Variants in PLIN1 observed in about 807,000 individuals in gnomAD.
PLIN1 encodes perilipin-1.
Under a neutral mutation model 45.8 loss-of-function variants are expected in PLIN1, and 37 were observed. That is an observed-to-expected ratio of 0.81 (90% CI 0.62 to 1.06). The LOEUF is 1.06. Among genes scored for constraint, PLIN1 ranks in the 50% least tolerant of loss-of-function variants. The probability of loss-of-function intolerance (pLI) is 0.00; values close to 1 mark genes in which losing one functional copy is unlikely to be tolerated. For synonymous variants in PLIN1, 340 were observed against 309.2 expected, an observed-to-expected ratio of 1.10 and a Z score of -1.05; for missense variants, 776 against 716.5, an observed-to-expected ratio of 1.08 and a Z score of -0.95.
chr15:89,677,141 T>C (rs1964531101), intron 2 of PLIN1: 3 of 463,072 alleles, frequency 6.5e-6, no homozygotes, highest in Non-Finnish European at 1.2e-5. Flanking sequence ...GAGCATGGGC[T>C]TCTGCGTCAG....
intron 6 of PLIN1, among the ~76,000 whole-genome samples, chr15:89,668,435 A>C (rs2141528667): frequency 6.6e-6 from 1 of 152,306 alleles, no homozygotes; most frequent in South Asian, 2.1e-4. Context: ...TATACACTTA[A>C]GAGTGGAACT....
intron 2 of PLIN1, among the ~76,000 whole-genome samples, chr15:89,675,435 A>C (rs8179062): frequency 1.1e-3 from 171 of 150,948 alleles, no homozygotes; most frequent in Admixed American, 0.011. Context: ...AAAAAAAAAA[A>C]AAAAAAAAAA....
intron 1 of PLIN1, chr15:89,677,713 T>A: frequency 1.7e-6 from 1 of 601,220 alleles, no homozygotes; most frequent in Non-Finnish European, 3.0e-6. Context: ...ATAGCTTACT[T>A]GTCAAGACTG....
chr15:89,667,199 G>T lies in PLIN1; in HGVS notation c.964-18C>A. The T allele has an allele frequency of 1.2e-6, 2 of 1,612,320 alleles. No individual in the cohort carries two copies. Among genetic ancestry groups the T allele is most frequent in the Non-Finnish European group, 1.7e-6 (2 of 1,179,950 alleles). On this transcript the variant is annotated intron_variant, in intron 7 of 8. Transcript: ENST00000300055. The stretch of plus-strand genomic sequence containing the variant: ...GCTGCTACCTGGGGGCCAAAGCAGG[G>T]TCAGTGCCTCCTGTGGTAACTCCCC...
At position 89,671,513 on chromosome 15, in the gene PLIN1, T is replaced by C; in HGVS notation, c.302A>G (p.Lys101Arg). Residue 101 changes from lysine (K) to arginine (R), a missense_variant, in exon 4 of 9, where the codon AAG becomes AGG. Coordinates refer to ENST00000300055, the MANE Select transcript of PLIN1 (RefSeq NM_002666.5). ...ACRGLDHLEE[K>R]IPALQYPPEK... Reference sequence around the variant, plus strand: ...AGGGGGGTACTGGAGGGCGGGGATCTTTTCCTCCAGGTGGTCCAAGCCTCG... The same window carrying C: ...AGGGGGGTACTGGAGGGCGGGGATCCTTTCCTCCAGGTGGTCCAAGCCTCG... 6.3e-7 allele frequency: 1 copy of C among 1,575,214 alleles called. No individual in the cohort carries two copies. Among genetic ancestry groups the C allele is most frequent in the Non-Finnish European group, 8.6e-7 (1 of 1,159,662 alleles).
At chr15:89,676,421 G>C (rs967190988) in intron 2 of PLIN1, among the ~76,000 whole-genome samples, 6 of 152,064 alleles carry the variant, frequency 3.9e-5, no homozygotes, top group Non-Finnish European at 8.8e-5. Flanking sequence ...CTGATTTTTT[G>C]TATTTTTAGT....
intron 1 of PLIN1, 145 bp from the exon 2 acceptor site, chr15:89,677,648 G>A: frequency 1.3e-6 from 1 of 757,776 alleles, no homozygotes; most frequent in African/African-American, 1.7e-5. Flanking sequence ...GTTGGAGGGT[G>A]AATATCACAC....
In PLIN1 at chr15:89,665,509, G is replaced by T; in HGVS notation, c.*74C>A. 1 of 1,447,662 alleles carries T rather than the reference G, an allele frequency of 6.9e-7. No individual in the cohort carries two copies. The highest frequency in any genetic ancestry group is 9.3e-7 in the Non-Finnish European group (1 of 1,080,532). The allele number at this position is 1,447,662 out of a possible 1,614,324, so 89.7% of individuals were successfully genotyped here. On this transcript the variant is annotated 3_prime_UTR_variant, in exon 9 of 9. Coordinates refer to ENST00000300055, the MANE Select transcript of PLIN1 (RefSeq NM_002666.5). The stretch of plus-strand genomic sequence containing the variant: ...GACCACTTTGAAAGTGGCAACGCTC[G>T]CCTGGGCAGTGCGGGTTCTGTTTAT...
At chr15:89,677,207 C>G (rs1036680172) in intron 2 of PLIN1, 17 of 580,948 alleles carry the variant, frequency 2.9e-5, no homozygotes, top group Non-Finnish European at 2.2e-5. Flanking sequence ...GCCAGGATTT[C>G]TGTCCCTTTT....
At chr15:89,671,369 C>T (rs1242917909) in intron 4 of PLIN1, 113 bp downstream of exon 4, 2 of 774,860 alleles carry the variant, frequency 2.6e-6, no homozygotes, top group Non-Finnish European at 4.4e-6. Context: ...TTGGAGGGTG[C>T]TCACCATGGG....
Position 89,667,014 on chromosome 15 carries a change from C to G in PLIN1, c.1131G>C (p.Lys377Asn). 3 of 1,614,162 alleles carry G rather than the reference C, an allele frequency of 1.9e-6. No individual in the cohort carries two copies. The highest frequency in any genetic ancestry group is 2.5e-6 in the Non-Finnish European group (3 of 1,180,002). Residue 377 changes from lysine to asparagine, a missense_variant, in exon 8 of 9, where the codon AAG becomes AAC. Transcript: ENST00000300055. ...CATCTGATAGGGACATGGCCCTCCC[C>G]TTGGTTGAGGAGACAGCAGGGGCTG... ...LTPAPAVSST[K>N]GRAMSLSDAL...
chr15:89,671,352 G>A lies in PLIN1; in HGVS notation c.333+130C>T, dbSNP rs1190067266. On this transcript the variant is annotated intron_variant, in intron 4 of 8. Transcript: ENST00000300055. ...GTGGCCTTGGGAGCAGGCACTCTCC[G>A]CCAGCCTTGGAGGGTGCTCACCATG... The A allele has an allele frequency of 7.1e-5, 49 of 693,182 alleles. 1 individual carries two copies. The highest frequency in any genetic ancestry group is 1.1e-4 in the East Asian group (4 of 36,674). The allele number at this position is 693,182 out of a possible 1,614,324, so 42.9% of individuals were successfully genotyped here. A position where few individuals can be genotyped will look rare whatever the true frequency, so the allele number is the denominator to read the frequency against.
At chr15:89,669,390 A>G in intron 6 of PLIN1, 110 bp downstream of exon 6, 1 of 969,952 alleles carries the variant, frequency 1.0e-6, no homozygotes, top group Non-Finnish European at 1.6e-6. Flanking sequence ...ACGTTGGAAG[A>G]GAGAATGTTC....
chr15:89,669,913 TC>T (rs1964410735), intron 5 of PLIN1, 66 bp downstream of exon 5: 1 of 1,527,850 alleles, frequency 6.5e-7, no homozygotes, highest in South Asian at 1.2e-5. Context: ...TTGAGCCACC[TC>T]CTGCTGATTC....
At chr15:89,674,265 AT>A (rs1247629615) in intron 2 of PLIN1, among the ~76,000 whole-genome samples, 1 of 151,938 alleles carries the variant, frequency 6.6e-6, no homozygotes, top group Non-Finnish European at 1.5e-5. Context: ...TTTATTTATT[AT>A]TTTTTATAGA....
Position 89,664,867 on chromosome 15 carries a change from C to A in PLIN1, c.*716G>T, listed in dbSNP as rs1367447017. The stretch of plus-strand genomic sequence containing the variant: ...TCTATATATCATCACCATTTTGGTT[C>A]CCCAGCATCAAAAGAGTGACTATGC... On this transcript the variant is annotated 3_prime_UTR_variant, in exon 9 of 9. Coordinates refer to ENST00000300055, the MANE Select transcript of PLIN1 (RefSeq NM_002666.5). 2.2e-6 allele frequency: 1 copy of A among 456,002 alleles called. No individual in the cohort carries two copies. The highest frequency in any genetic ancestry group is 2.3e-5 in the Admixed American group (1 of 42,564). 28.2% of individuals were successfully genotyped at this position (456,002 alleles called of 1,614,324 possible).
intron 2 of PLIN1, chr15:89,677,136 T>C (rs925305474): frequency 8.8e-6 from 4 of 454,136 alleles, no homozygotes; most frequent in South Asian, 4.3e-5. Context: ...GGACAGAGCA[T>C]GGGCTTCTGC....
chr15:89,677,389 T>G, intron 2 of PLIN1, 56 bp downstream of exon 2: 2 of 1,400,200 alleles, frequency 1.4e-6, no homozygotes, highest in South Asian at 1.2e-5. Context: ...CCTCCCTGCT[T>G]CTTCCTCCTC....
Position 89,670,001 on chromosome 15 carries a change from G to C in PLIN1, c.577C>G (p.Pro193Ala). 6.2e-7 allele frequency: 1 copy of C among 1,612,622 alleles called. No homozygotes were observed. The highest frequency in any genetic ancestry group is 1.3e-5 in the African/African-American group (1 of 74,994). Residue 193 changes from proline (P) to alanine (A), a missense_variant, in exon 5 of 9, where the codon CCT (proline) becomes GCT (alanine). By Grantham distance (27) the Pro-to-Ala change is conservative (BLOSUM62 -1). Coordinates refer to ENST00000300055, the MANE Select transcript of PLIN1 (RefSeq NM_002666.5). ...SIEKVVEYLL[P>A]PDKEESAPAP... ...GTACCTGACTCTTCCTTGTCTGGAG[G>C]GAGGAGGTACTCCACCACCTTCTCA...
Sources: allele counts gnomAD v4.1 joint callset (sites outside exome capture counted in the v4.1 genomes callset), GRCh38; gene constraint gnomAD v4.1.1; transcripts MANE v1.5; gene names NCBI Gene and HGNC (gene_info 2026-07-23, HGNC 2026-07-21).